Variants in TAFA1 observed in about 807,000 individuals in gnomAD.
TAFA1 encodes the protein TAFA chemokine like family member 1, also known as chemokine-like protein TAFA-1.
A neutral mutation model predicts 18.5 loss-of-function variants in TAFA1; 4 were observed. The observed-to-expected ratio is 0.22, with a 90% confidence interval of 0.11 to 0.49. The LOEUF (loss-of-function observed/expected upper bound fraction) is 0.49, where lower values mean the gene tolerates loss of function less well. TAFA1 is among the 20% of genes least tolerant of loss of function. TAFA1 has a pLI of 0.98. For synonymous variants in TAFA1, 56 were observed against 55.2 expected (o/e 1.01, Z -0.06); for missense variants, 147 against 169.0 (o/e 0.87, Z 0.72).
intron 3 of TAFA1, among the ~76,000 whole-genome samples, chr3:68,523,082 A>G (rs1201054526): frequency 6.7e-6 from 1 of 149,864 alleles, no homozygotes; most frequent in Non-Finnish European, 1.5e-5. Context: ...GTCTCAAAAA[A>G]TAAATAAATA....
chr3:68,240,292 A>T (rs951904958), intron 2 of TAFA1, among the ~76,000 whole-genome samples: 1 of 152,180 alleles, frequency 6.6e-6, no homozygotes, highest in African/African-American at 2.4e-5. Flanking sequence ...TGCATGTGTA[A>T]CTAAGAATGT....
At chr3:68,435,812 G>A (rs1230666614) in intron 3 of TAFA1, among the ~76,000 whole-genome samples, 3 of 152,108 alleles carry the variant, frequency 2.0e-5, no homozygotes, top group Admixed American at 6.6e-5. Context: ...AAAGTAAGAA[G>A]GACTGAGAAT....
At chr3:68,127,893 G>A (rs1020140319) in intron 2 of TAFA1, among the ~76,000 whole-genome samples, 61 of 150,498 alleles carry the variant, frequency 4.1e-4, no homozygotes, top group African/African-American at 1.5e-3. Context: ...TGATGCTGAT[G>A]GCAGTGGTGG....
At chr3:68,395,554 C>A (rs1309967635) in intron 2 of TAFA1, among the ~76,000 whole-genome samples, 1 of 152,152 alleles carries the variant, frequency 6.6e-6, no homozygotes, top group Non-Finnish European at 1.5e-5. Context: ...TTGCTAACAA[C>A]CCAAATGTCC....
intron 2 of TAFA1, among the ~76,000 whole-genome samples, chr3:68,143,889 C>T (rs1428855553): frequency 6.6e-6 from 1 of 152,142 alleles, no homozygotes. Flanking sequence ...AGTTTGGTTC[C>T]TCTGTGTCCC....
intron 2 of TAFA1, among the ~76,000 whole-genome samples, chr3:68,327,197 T>G (rs2068790255): frequency 6.6e-6 from 1 of 152,198 alleles, no homozygotes; most frequent in Admixed American, 6.5e-5. Flanking sequence ...CATGTGGAAC[T>G]GTGAGTTCAT....
chr3:68,422,305 G>C (rs910992343), intron 3 of TAFA1, among the ~76,000 whole-genome samples: 2 of 152,078 alleles, frequency 1.3e-5, no homozygotes, highest in Non-Finnish European at 2.9e-5. Flanking sequence ...CATTTACAGA[G>C]TTTCTTGCAT....
At chr3:67,996,590 G>A in the TAFA1 span, among the ~76,000 whole-genome samples, 2 of 152,100 alleles carry the variant, frequency 1.3e-5, no homozygotes, top group Non-Finnish European at 2.9e-5. Context: ...CTTGAGGCCA[G>A]GAGTTCGAGA....
At chr3:68,370,351 TATACACACACACACAC>T (rs2069663747) in intron 2 of TAFA1, among the ~76,000 whole-genome samples, 1 of 44,448 alleles carries the variant, frequency 2.2e-5, no homozygotes, top group African/African-American at 8.2e-5. Context: ...TATATATATA[TATACACACACACACAC>T]ATATATATAT....
At chr3:68,273,571 C>A (rs966070015) in intron 2 of TAFA1, among the ~76,000 whole-genome samples, 8 of 152,080 alleles carry the variant, frequency 5.3e-5, no homozygotes, top group African/African-American at 1.9e-4. Context: ...AAGAGAACAA[C>A]CTGAAGGCAG....
chr3:68,162,073 A>G (rs2065931644), intron 2 of TAFA1, among the ~76,000 whole-genome samples: 11 of 152,182 alleles, frequency 7.2e-5, no homozygotes, highest in Admixed American at 7.2e-4. Context: ...TATAGAAAAC[A>G]TTTGCCAATT....
chr3:68,496,106 T>A (rs1449877116), intron 3 of TAFA1, among the ~76,000 whole-genome samples: 1 of 151,136 alleles, frequency 6.6e-6, no homozygotes, highest in Non-Finnish European at 1.5e-5. Flanking sequence ...TGTTCCCTAG[T>A]GAGACATGCA....
chr3:68,272,533 C>T (rs2067695549), intron 2 of TAFA1, among the ~76,000 whole-genome samples: 1 of 152,026 alleles, frequency 6.6e-6, no homozygotes, highest in Non-Finnish European at 1.5e-5. Flanking sequence ...CATAATGATT[C>T]AATGCAAATT....
chr3:68,097,782 A>T (rs983213502), intron 2 of TAFA1, among the ~76,000 whole-genome samples: 1 of 152,146 alleles, frequency 6.6e-6, no homozygotes, highest in Admixed American at 6.6e-5. Context: ...TGAAAGAAGG[A>T]TTACTAGAGG....
At chr3:68,108,124 T>TTC (rs1281533800) in intron 2 of TAFA1, among the ~76,000 whole-genome samples, 1 of 152,138 alleles carries the variant, frequency 6.6e-6, no homozygotes, top group Non-Finnish European at 1.5e-5. Flanking sequence ...GAAGTCACCT[T>TTC]TCACCTTTCA....
intron 2 of TAFA1, among the ~76,000 whole-genome samples, chr3:68,370,490 A>ATATATACG (rs2069680496): frequency 1.1e-5 from 1 of 93,004 alleles, no homozygotes; most frequent in Non-Finnish European, 2.2e-5. Flanking sequence ...ATATATATAT[A>ATATATACG]TATATATATA....
intron 2 of TAFA1, among the ~76,000 whole-genome samples, chr3:68,369,167 A>C (rs2069630776): frequency 6.6e-6 from 1 of 151,584 alleles, no homozygotes. Context: ...CTTGTCTAGC[A>C]CACACTTATG....
At chr3:68,115,649 T>C (rs1445784983) in intron 2 of TAFA1, among the ~76,000 whole-genome samples, 1 of 152,190 alleles carries the variant, frequency 6.6e-6, no homozygotes, top group Non-Finnish European at 1.5e-5. Flanking sequence ...CGGTCAGTCA[T>C]GCCGGAGGCG....
intron 3 of TAFA1, among the ~76,000 whole-genome samples, chr3:68,480,977 CTGCCGTCATGTAAGATGTGACT>C (rs555303045): frequency 3.1e-4 from 47 of 152,280 alleles, no homozygotes; most frequent in African/African-American, 1.1e-3. Flanking sequence ...TCTCTCTTCC[CTGCCGTCATGTAAGATGTGACT>C]TGCTCCTCCT....
Sources: gnomAD v4.1 joint callset for allele counts (sites outside exome capture counted in the v4.1 genomes callset) on GRCh38, gnomAD v4.1.1 for gene constraint, MANE v1.5 for transcripts, NCBI Gene and HGNC (gene_info 2026-07-23, HGNC 2026-07-21) for gene names.